ST6GALNAC3: variants seen among roughly 807,000 people sequenced by gnomAD.
The protein encoded by ST6GALNAC3 is alpha-N-acetylgalactosaminide alpha-2,6-sialyltransferase 3.
A neutral mutation model predicts 32.7 loss-of-function variants in ST6GALNAC3; 25 were observed. The observed-to-expected ratio is 0.76, with a 90% confidence interval of 0.56 to 1.07. The LOEUF is 1.07. Ranked by LOEUF, ST6GALNAC3 falls within the 50% of genes least tolerant of loss-of-function variation. ST6GALNAC3 has a pLI of 0.00. For synonymous variants in ST6GALNAC3, 129 were observed against 133.1 expected (o/e 0.97, Z 0.21); for missense variants, 355 against 382.4 (o/e 0.93, Z 0.60).
chr1:76,310,988 G>A (rs989405227), intron 1 of ST6GALNAC3, among the ~76,000 whole-genome samples: 11 of 152,038 alleles, frequency 7.2e-5, no homozygotes, highest in East Asian at 1.9e-4. Context: ...TAATATTGCC[G>A]TCACATGGAC....
At chr1:76,187,261 A>G (rs1171283342) in intron 1 of ST6GALNAC3, among the ~76,000 whole-genome samples, 1 of 152,168 alleles carries the variant, frequency 6.6e-6, no homozygotes, top group East Asian at 1.9e-4. Flanking sequence ...TTTAGCCAAA[A>G]TACCTTGGTT....
intron 2 of ST6GALNAC3, among the ~76,000 whole-genome samples, chr1:76,409,662 A>G (rs1369297882): frequency 6.6e-6 from 1 of 152,114 alleles, no homozygotes; most frequent in South Asian, 2.1e-4. Context: ...GGAAAGGCTG[A>G]TGATTTTTGA....
At chr1:76,421,129 CT>C (rs956333065) in intron 3 of ST6GALNAC3, among the ~76,000 whole-genome samples, 10 of 151,890 alleles carry the variant, frequency 6.6e-5, no homozygotes, top group African/African-American at 2.4e-4. Flanking sequence ...CACTTAATAT[CT>C]TTTTTAAGCT....
chr1:76,503,889 C>T (rs964613984), intron 3 of ST6GALNAC3, among the ~76,000 whole-genome samples: 3 of 152,180 alleles, frequency 2.0e-5, no homozygotes, highest in African/African-American at 4.8e-5. Flanking sequence ...AGTTCCCTAT[C>T]CATTCTAATG....
At chr1:76,531,300 TA>T (rs1045710736) in intron 3 of ST6GALNAC3, among the ~76,000 whole-genome samples, 4 of 152,246 alleles carry the variant, frequency 2.6e-5, no homozygotes, top group African/African-American at 9.6e-5. Flanking sequence ...GAATAACTTC[TA>T]AATGCAAATA....
Position 76,627,691 on chromosome 1 carries a change from A to G in ST6GALNAC3, c.731+132A>G, listed in dbSNP as rs1649062268. ...TTATTTCCCAGTGTTCTTTGCTGAC[A>G]TGACATTTTATTGTCAGTGCGTCAA... On this transcript the variant is annotated intron_variant, in intron 4 of 4. Coordinates refer to ENST00000328299, the MANE Select transcript of ST6GALNAC3 (RefSeq NM_152996.4). 9.0e-6 allele frequency: 7 copies of G among 776,152 alleles called. No homozygotes were observed. In the South Asian group the frequency reaches 1.0e-4, roughly 11 times the overall value. The allele number at this position is 776,152 out of a possible 1,614,324, so 48.1% of individuals were successfully genotyped here.
intron 1 of ST6GALNAC3, among the ~76,000 whole-genome samples, chr1:76,116,590 C>A (rs1648495469): frequency 6.6e-6 from 1 of 151,992 alleles, no homozygotes; most frequent in Admixed American, 6.6e-5. Context: ...GTCAAGCAGC[C>A]TAAAGAGCAG....
At chr1:76,380,736 T>C (rs1651639226) in intron 2 of ST6GALNAC3, among the ~76,000 whole-genome samples, 1 of 152,132 alleles carries the variant, frequency 6.6e-6, no homozygotes, top group African/African-American at 2.4e-5. Flanking sequence ...GTGTTACATG[T>C]ATTTAGCACA....
At chr1:76,425,585 C>T (rs776768691) in intron 3 of ST6GALNAC3, among the ~76,000 whole-genome samples, 11 of 151,932 alleles carry the variant, frequency 7.2e-5, no homozygotes, top group Admixed American at 2.6e-4. Context: ...ACTGGGAACT[C>T]GTCGGAACTT....
intron 2 of ST6GALNAC3, among the ~76,000 whole-genome samples, chr1:76,321,972 G>C (rs1478877745): frequency 6.6e-6 from 1 of 152,010 alleles, no homozygotes; most frequent in African/African-American, 2.4e-5. Flanking sequence ...TATTATCATA[G>C]GTTTTAATGT....
chr1:76,118,105 C>T (rs12143779), intron 1 of ST6GALNAC3, among the ~76,000 whole-genome samples: 34,156 of 151,986 alleles, frequency 0.22, 4,870 homozygotes, highest in Admixed American at 0.32. Context: ...GCCCTGCATG[C>T]GTTAGTTATT....
chr1:76,431,492 T>C (rs999811124), intron 3 of ST6GALNAC3, among the ~76,000 whole-genome samples: 4 of 152,224 alleles, frequency 2.6e-5, no homozygotes, highest in African/African-American at 9.6e-5. Flanking sequence ...CAAATTATCA[T>C]TCTGTCTTTC....
intron 1 of ST6GALNAC3, among the ~76,000 whole-genome samples, chr1:76,253,063 C>A (rs978527721): frequency 1.3e-5 from 2 of 152,114 alleles, no homozygotes; most frequent in South Asian, 4.1e-4. Context: ...GCTGTTGGCT[C>A]ACTATACTAG....
intron 3 of ST6GALNAC3, among the ~76,000 whole-genome samples, chr1:76,617,263 A>C (rs1648356247): frequency 6.6e-6 from 1 of 152,188 alleles, no homozygotes; most frequent in Non-Finnish European, 1.5e-5. Context: ...TAAGTCAAAA[A>C]CCTAAAGAAA....
intron 3 of ST6GALNAC3, among the ~76,000 whole-genome samples, chr1:76,572,488 C>A (rs1325137569): frequency 1.3e-5 from 2 of 152,040 alleles, no homozygotes; most frequent in African/African-American, 2.4e-5. Flanking sequence ...AGTTAATTGT[C>A]CATGTGACCA....
At chr1:76,397,555 G>T (rs1653070800) in intron 2 of ST6GALNAC3, among the ~76,000 whole-genome samples, 1 of 145,092 alleles carries the variant, frequency 6.9e-6, no homozygotes. Context: ...TTTTTTTTTA[G>T]CAGAGATGGG....
At chr1:76,180,458 A>T (rs571290918) in intron 1 of ST6GALNAC3, among the ~76,000 whole-genome samples, 2 of 152,120 alleles carry the variant, frequency 1.3e-5, no homozygotes, top group Non-Finnish European at 2.9e-5. Context: ...CGGTTCCCTT[A>T]CAAAGGCTCC....
chr1:76,212,335 G>A (rs1436413905), intron 1 of ST6GALNAC3, among the ~76,000 whole-genome samples: 115 of 152,228 alleles, frequency 7.6e-4, no homozygotes, highest in East Asian at 3.9e-4. Context: ...AATTAAATTG[G>A]TGTTTTCTGG....
intron 2 of ST6GALNAC3, among the ~76,000 whole-genome samples, chr1:76,407,765 A>T (rs753629857): frequency 6.6e-5 from 10 of 152,110 alleles, no homozygotes; most frequent in Non-Finnish European, 1.0e-4. Context: ...AAGTGGAACT[A>T]GATAAATCTT....
Sources: gnomAD v4.1 joint callset for allele counts (sites outside exome capture counted in the v4.1 genomes callset) on GRCh38, gnomAD v4.1.1 for gene constraint, MANE v1.5 for transcripts, NCBI Gene and HGNC (gene_info 2026-07-23, HGNC 2026-07-21) for gene names.